Variants in TCEANC2 observed in about 807,000 individuals in gnomAD.
The protein encoded by TCEANC2 is transcription elongation factor A N-terminal and central domain-containing protein 2.
A neutral mutation model predicts 22.8 loss-of-function variants in TCEANC2; 20 were observed. The observed-to-expected ratio is 0.88, with a 90% CI of 0.62 to 1.28. The LOEUF is 1.28. Ranked by LOEUF, TCEANC2 falls within the 50% of genes most tolerant of loss-of-function variation. The probability of loss-of-function intolerance (pLI) is 0.00; values close to 1 mark genes in which losing one functional copy is unlikely to be tolerated. For missense variants in TCEANC2, 251 were observed against 249.7 expected, an observed-to-expected ratio of 1.01 and a Z score of -0.03; for synonymous variants, 84 against 95.5, an observed-to-expected ratio of 0.88 and a Z score of 0.70.
chr1:54,079,122 C>T (rs1157011442), intron 3 of TCEANC2, among the ~76,000 whole-genome samples: 1 of 151,982 alleles, frequency 6.6e-6, no homozygotes, highest in East Asian at 1.9e-4. Flanking sequence ...TTTTGCAACA[C>T]TATATATATG....
intron 2 of TCEANC2, among the ~76,000 whole-genome samples, chr1:54,061,477 ATAG>A (rs1331036624): frequency 6.6e-6 from 1 of 152,314 alleles, no homozygotes; most frequent in Non-Finnish European, 1.5e-5. Flanking sequence ...GAGGAGGATG[ATAG>A]TAGTAATAAG....
In TCEANC2 at chr1:54,096,226, C is replaced by A; in HGVS notation, c.439-59C>A. ...CTCTGAGCAGAGTGCTCCAGCCTCT[C>A]TTGCTTTTAATCCTTACGCAATGTA... On this transcript the variant is annotated intron_variant, in intron 4 of 4. Coordinates refer to ENST00000234827, the MANE Select transcript of TCEANC2 (RefSeq NM_153035.3). The surrounding 1 kb of genome is among the most constrained non-coding windows in gnomAD (Gnocchi z 4.9). 1.3e-6 allele frequency: 2 copies of A among 1,531,706 alleles called. No homozygotes were observed. Among genetic ancestry groups the A allele is most frequent in the South Asian group, 2.5e-5 (2 of 79,516 alleles). The allele number at this position is 1,531,706 out of a possible 1,614,324, so 94.9% of individuals were successfully genotyped here.
At position 54,096,363 on chromosome 1, in the gene TCEANC2, C is replaced by A; in HGVS notation, c.517C>A (p.Arg173=). The change falls in exon 5 of 5, where the codon CGG becomes AGG. Residue 173 remains arginine (R), a synonymous_variant. Coordinates refer to ENST00000234827, the MANE Select transcript of TCEANC2 (RefSeq NM_153035.3). This position sits in a 1 kb window ranked among gnomAD's most constrained non-coding sequence, Gnocchi z 4.9. ...CCGCCTCATTAATGGGCCGTACCGG[C>A]GGACGGTGAGAGCCCTGGTCTTCAC... The part of the protein sequence containing the change: ...CSRLINGPYR[R]TVRALVFTLK... 1.2e-6 allele frequency: 2 copies of A among 1,613,032 alleles called. No homozygotes were observed.
rs1196905954 is a variant in TCEANC2 at position 54,097,934 on chromosome 1, A to G, written c.*1461A>G. 6.6e-6 allele frequency: 1 copy of G among 152,250 alleles called. No individual in the cohort carries two copies. Among genetic ancestry groups the G allele is most frequent in the Non-Finnish European group, 1.5e-5 (1 of 68,048 alleles). The allele number at this position is 152,250 out of a possible 1,614,324, so 9.4% of individuals were successfully genotyped here. A position where few individuals can be genotyped will look rare whatever the true frequency, so the allele number is the denominator to read the frequency against. On this transcript the variant is annotated 3_prime_UTR_variant, in exon 5 of 5. Coordinates refer to ENST00000234827, the MANE Select transcript of TCEANC2 (RefSeq NM_153035.3). The stretch of plus-strand genomic sequence containing the variant: ...ACAAAAAGAAAATACCCAGTTAAAC[A>G]TGAGAAAAGTGAGGCTCAGAAAGGT...
chr1:54,092,042 T>G (rs1658456031), intron 4 of TCEANC2, among the ~76,000 whole-genome samples: 1 of 152,236 alleles, frequency 6.6e-6, no homozygotes, highest in Non-Finnish European at 1.5e-5. Context: ...GGCCTCAGAC[T>G]GCACCCCTGG....
In TCEANC2 at chr1:54,098,442, A is replaced by G. The variant is rs1442062404; in HGVS notation, c.*1969A>G. ...CTTGCTTTAGGTCTCTCTTTCCCTTATCAAAAAGGCTTTTGCTGACTATCC... is the reference window on the plus strand; with the variant it reads ...CTTGCTTTAGGTCTCTCTTTCCCTTGTCAAAAAGGCTTTTGCTGACTATCC... On this transcript the variant is annotated 3_prime_UTR_variant, in exon 5 of 5. Transcript: ENST00000234827. 1 of 152,200 alleles carries G rather than the reference A, an allele frequency of 6.6e-6. No individual in the cohort carries two copies. Among genetic ancestry groups the G allele is most frequent in the Non-Finnish European group, 1.5e-5 (1 of 68,042 alleles). 9.4% of individuals were successfully genotyped at this position (152,200 alleles called of 1,614,324 possible).
At chr1:54,067,702 C>T (rs1272432396) in intron 2 of TCEANC2, among the ~76,000 whole-genome samples, 1 of 152,146 alleles carries the variant, frequency 6.6e-6, no homozygotes, top group Non-Finnish European at 1.5e-5. Context: ...GAAGCAGACA[C>T]CAGCCAAGGG....
intron 2 of TCEANC2, among the ~76,000 whole-genome samples, chr1:54,056,852 G>A (rs1657761138): frequency 6.6e-6 from 1 of 151,928 alleles, no homozygotes; most frequent in Admixed American, 6.6e-5. Context: ...GATCAGCCTG[G>A]GCAGCTTGGC....
chr1:54,097,627 G>A lies in TCEANC2; in HGVS notation c.*1154G>A, dbSNP rs768179978. 7.2e-5 allele frequency: 11 copies of A among 152,134 alleles called. No homozygotes were observed. The highest frequency in any genetic ancestry group is 1.3e-4 in the Non-Finnish European group (9 of 68,020). The allele number at this position is 152,134 out of a possible 1,614,324, so 9.4% of individuals were successfully genotyped here. A position where few individuals can be genotyped will look rare whatever the true frequency, so the allele number is the denominator to read the frequency against. On this transcript the variant is annotated 3_prime_UTR_variant, in exon 5 of 5. Coordinates refer to ENST00000234827, the MANE Select transcript of TCEANC2 (RefSeq NM_153035.3). ...TAAGACAGTTTATTAACCTTTACCT[G>A]GATCTTTATATAGTTTTGTAAAAAT...
intron 2 of TCEANC2, among the ~76,000 whole-genome samples, chr1:54,063,976 GA>G (rs1421305181): frequency 2.6e-5 from 4 of 151,980 alleles, no homozygotes; most frequent in Admixed American, 1.3e-4. Flanking sequence ...TTTCAAAACT[GA>G]AAAAAATTAA....
chr1:54,072,008 C>T (rs184599878), intron 3 of TCEANC2, among the ~76,000 whole-genome samples: 77 of 152,110 alleles, frequency 5.1e-4, no homozygotes, highest in African/African-American at 1.8e-3. Flanking sequence ...GATAGGGTCT[C>T]GCTAAGTTGC....
chr1:54,092,751 G>A lies in TCEANC2; in HGVS notation c.439-3534G>A, dbSNP rs138861724. On this transcript the variant is annotated intron_variant, in intron 4 of 4. Transcript: ENST00000234827. ...GAAGAAGACCCTGTTCCCATGCCCT[G>A]AGAGAGCTTATGCATGTGGCAGACA... Among the ~76,000 whole-genome samples the A allele has an allele frequency of 4.2e-4, 64 of 152,142 alleles. 1 individual carries two copies. Among genetic ancestry groups the A allele is most frequent in the African/African-American group, 1.5e-3 (64 of 41,394 alleles).
intron 4 of TCEANC2, among the ~76,000 whole-genome samples, chr1:54,095,580 C>T (rs1658529631): frequency 6.6e-6 from 1 of 152,174 alleles, no homozygotes; most frequent in Non-Finnish European, 1.5e-5. Context: ...AGCCAGACCA[C>T]CCCAGAATTG....
downstream of TCEANC2, among the ~76,000 whole-genome samples, chr1:54,107,060 C>T (rs1658770728): frequency 1.3e-5 from 2 of 152,158 alleles, no homozygotes; most frequent in Admixed American, 1.3e-4. Context: ...CAGACTTTGC[C>T]AGTCTTCCCA....
chr1:54,062,596 G>A (rs1055341794), intron 2 of TCEANC2, among the ~76,000 whole-genome samples: 1 of 152,220 alleles, frequency 6.6e-6, no homozygotes, highest in African/African-American at 2.4e-5. Context: ...TTTGCAGAAA[G>A]CATAGATGCA....
chr1:54,111,212 G>C (rs916320146), exon 5 of TCEANC2: 1 of 152,236 alleles, frequency 6.6e-6, no homozygotes, highest in South Asian at 2.1e-4. Context: ...CCACGCAGCC[G>C]AGCAGACAGT....
At chr1:54,065,826 C>A (rs778321269) in intron 2 of TCEANC2, among the ~76,000 whole-genome samples, 1 of 152,084 alleles carries the variant, frequency 6.6e-6, no homozygotes, top group Non-Finnish European at 1.5e-5. Context: ...CACTTGTAAT[C>A]CATGTGCTTT....
At chr1:54,061,533 C>T (rs1657855768) in intron 2 of TCEANC2, among the ~76,000 whole-genome samples, 2 of 152,126 alleles carry the variant, frequency 1.3e-5, no homozygotes, top group African/African-American at 2.4e-5. Flanking sequence ...ATGGTCCAGG[C>T]ATTGTGCTAA....
In TCEANC2 at chr1:54,105,981, G is replaced by A. The variant is rs1178324740; in HGVS notation, c.*9508G>A. The A allele has an allele frequency of 6.6e-6, 1 of 152,076 alleles. No homozygotes were observed. Among genetic ancestry groups the A allele is most frequent in the Non-Finnish European group, 1.5e-5 (1 of 68,026 alleles). 9.4% of individuals were successfully genotyped at this position (152,076 alleles called of 1,614,324 possible). On this transcript the variant is annotated 3_prime_UTR_variant, in exon 5 of 5. Transcript: ENST00000234827. ...AAGCTTTGTGAGCCACATGGTCTCT[G>A]TCACAACTATTCAGCTCTGCTATTG... is the stretch of plus-strand genomic sequence containing the variant.
Sources: gnomAD v4.1 joint callset for allele counts (sites outside exome capture counted in the v4.1 genomes callset) on GRCh38, gnomAD v4.1.1 for gene constraint, Gnocchi (gnomAD v3.1) non-coding constraint, MANE v1.5 for transcripts, NCBI Gene and HGNC (gene_info 2026-07-23, HGNC 2026-07-21) for gene names.